The following OSBPL1A variants were observed in gnomAD, a reference collection of about 807,000 sequenced individuals.
OSBPL1A encodes oxysterol binding protein like 1A, also known as oxysterol-binding protein-related protein 1.
Under a neutral mutation model 137.1 loss-of-function variants are expected in OSBPL1A, and 80 were observed. The observed-to-expected ratio is 0.58, with a 90% CI of 0.49 to 0.70. OSBPL1A has a LOEUF of 0.70. Among genes scored for constraint, OSBPL1A ranks in the 30% least tolerant of loss-of-function variants. The pLI, the probability that OSBPL1A is intolerant of heterozygous loss-of-function variation, is 0.00. For synonymous variants in OSBPL1A, 365 were observed against 389.7 expected (o/e 0.94, Z 0.75); for missense variants, 970 against 1,129.4 (o/e 0.86, Z 2.02).
chr18:24,188,148 T>A (rs1357103288), intron 18 of OSBPL1A, among the ~76,000 whole-genome samples: 2 of 152,192 alleles, frequency 1.3e-5, no homozygotes, highest in Admixed American at 6.5e-5. Flanking sequence ...AGGGATGACA[T>A]TTTAGTATTT....
intron 4 of OSBPL1A, among the ~76,000 whole-genome samples, chr18:24,349,481 A>C (rs1209905412): frequency 6.6e-6 from 1 of 152,200 alleles, no homozygotes; most frequent in African/African-American, 2.4e-5. Context: ...GCAGAAATAA[A>C]ATATGCAATA....
Position 24,181,299 on chromosome 18 carries a change from A to C in OSBPL1A, c.1678-20T>G, listed in dbSNP as rs1457208900. ...TAGTTCCTATTTAACCAGAAAATTG[A>C]AAGTGTTATGTCCCATATACATAAC... On this transcript the variant is annotated intron_variant, in intron 18 of 27. Transcript: ENST00000319481. 6.2e-7 allele frequency: 1 copy of C among 1,612,906 alleles called. No individual in the cohort carries two copies. Among genetic ancestry groups the C allele is most frequent in the Admixed American group, 1.7e-5 (1 of 59,956 alleles).
chr18:24,333,055 C>G lies in OSBPL1A; in HGVS notation c.512G>C (p.Cys171Ser). The stretch of plus-strand genomic sequence containing the variant: ...GGGTGTATTTCCTAACTGATCCGAA[C>G]AGTTAACATCAGGAGGATTGGGCCT... ...LNRPNPPDVN[C>S]SDQLGNTPLH... is the part of the protein sequence containing the mutation. Residue 171 changes from cysteine (C) to serine (S), a missense_variant, in exon 7 of 28, where the codon TGT becomes TCT. Physicochemically the swap from Cys to Ser is moderately radical, Grantham distance 112. Transcript: ENST00000319481. 6.2e-7 allele frequency: 1 copy of G among 1,614,078 alleles called. No homozygotes were observed. Among genetic ancestry groups the G allele is most frequent in the East Asian group, 2.2e-5 (1 of 44,880 alleles).
chr18:24,333,268 G>A (rs945263095), intron 6 of OSBPL1A, among the ~76,000 whole-genome samples, 182 bp from the exon 7 acceptor site: 1 of 152,118 alleles, frequency 6.6e-6, no homozygotes, highest in African/African-American at 2.4e-5. Flanking sequence ...ATTCTCAGAT[G>A]CCCTGAGATA....
intron 1 of OSBPL1A, among the ~76,000 whole-genome samples, chr18:24,396,750 G>C (rs1030864210): frequency 6.6e-6 from 1 of 152,046 alleles, no homozygotes. Context: ...TCATTGTATC[G>C]GGGTTAGACT....
chr18:24,362,607 A>G (rs781219898), intron 4 of OSBPL1A, among the ~76,000 whole-genome samples: 2 of 152,214 alleles, frequency 1.3e-5, no homozygotes, highest in Non-Finnish European at 2.9e-5. Context: ...GCTTCCAATC[A>G]CGTGCTTACG....
At chr18:24,288,097 T>C (rs1348062988) in intron 14 of OSBPL1A, among the ~76,000 whole-genome samples, 2 of 152,212 alleles carry the variant, frequency 1.3e-5, no homozygotes, top group Admixed American at 6.5e-5. Context: ...GCTAGTGCTA[T>C]GGTAGACAAA....
chr18:24,164,634 T>G (rs563549208), intron 27 of OSBPL1A, among the ~76,000 whole-genome samples: 29 of 152,058 alleles, frequency 1.9e-4, no homozygotes, highest in African/African-American at 7.0e-4. Flanking sequence ...TTCACCATGT[T>G]AGCCAGGATG....
intron 14 of OSBPL1A, among the ~76,000 whole-genome samples, chr18:24,293,674 G>C (rs2090234019): frequency 6.6e-6 from 1 of 152,202 alleles, no homozygotes; most frequent in Non-Finnish European, 1.5e-5. Flanking sequence ...GGCAGGCGTA[G>C]GCCAGGCCAA....
intron 15 of OSBPL1A, among the ~76,000 whole-genome samples, chr18:24,245,277 G>A (rs1237537276): frequency 6.6e-6 from 1 of 151,536 alleles, no homozygotes; most frequent in Non-Finnish European, 1.5e-5. Flanking sequence ...TTTTTCGGCA[G>A]AGACGGGTCT....
Position 24,278,513 on chromosome 18 carries a change from G to C in OSBPL1A, c.1281+2329C>G, listed in dbSNP as rs144485595. Reference sequence around the variant, plus strand: ...TTAAGAGGCTAAAAGAGGTCAATTAGCCTAAACTTTAGGCTAACACTCTTG... The same window carrying C: ...TTAAGAGGCTAAAAGAGGTCAATTACCCTAAACTTTAGGCTAACACTCTTG... On this transcript the variant is annotated intron_variant, in intron 15 of 27. Transcript: ENST00000319481. Among the ~76,000 whole-genome samples, 14 of 152,232 alleles carry C rather than the reference G, an allele frequency of 9.2e-5. No individual in the cohort carries two copies. The East Asian group carries it at 2.5e-3, about 27-fold the overall frequency.
chr18:24,179,586 C>T, intron 20 of OSBPL1A, 152 bp downstream of exon 20: 2 of 618,226 alleles, frequency 3.2e-6, no homozygotes, highest in East Asian at 2.8e-5. Context: ...GTATTTTTGA[C>T]AGTCTCTAAA....
intron 1 of OSBPL1A, among the ~76,000 whole-genome samples, chr18:24,381,610 A>G (rs374538104): frequency 2.6e-5 from 4 of 152,228 alleles, no homozygotes; most frequent in South Asian, 4.1e-4. Flanking sequence ...TAAAATATCT[A>G]ATATTTTTAA....
chr18:24,350,078 C>T (rs2091412939), intron 4 of OSBPL1A, among the ~76,000 whole-genome samples: 1 of 152,168 alleles, frequency 6.6e-6, no homozygotes. Context: ...CGGCATATGG[C>T]CACCAAGAAT....
intron 1 of OSBPL1A, among the ~76,000 whole-genome samples, chr18:24,386,368 C>T (rs8086269): frequency 0.34 from 52,126 of 151,978 alleles, 9,409 homozygotes; most frequent in East Asian, 0.46. Flanking sequence ...CATTCTCTCA[C>T]GTTCAAAGCA....
chr18:24,197,974 G>C (rs972761743), intron 17 of OSBPL1A, among the ~76,000 whole-genome samples: 10 of 151,942 alleles, frequency 6.6e-5, no homozygotes, highest in African/African-American at 2.4e-4. Flanking sequence ...TTTTAGTAGA[G>C]ACGGGGTTTC....
intron 1 of OSBPL1A, among the ~76,000 whole-genome samples, chr18:24,393,553 C>T (rs1907515057): frequency 2.6e-5 from 4 of 152,100 alleles, no homozygotes; most frequent in Admixed American, 1.3e-4. Context: ...CCCGGGTTCA[C>T]ACCATTCTCC....
At chr18:24,364,069 T>C (rs1166842787) in intron 4 of OSBPL1A, among the ~76,000 whole-genome samples, 1 of 152,206 alleles carries the variant, frequency 6.6e-6, no homozygotes, top group Non-Finnish European at 1.5e-5. Flanking sequence ...CCTTGCTGTG[T>C]AATCTAACAT....
intron 13 of OSBPL1A, 59 bp from the exon 14 acceptor site, chr18:24,303,777 T>C (rs2090448066): frequency 2.2e-6 from 3 of 1,384,442 alleles, no homozygotes; most frequent in Non-Finnish European, 3.1e-6. Context: ...ACATTACTTA[T>C]GCTTTAGTGT....
Sources: allele counts gnomAD v4.1 joint callset (sites outside exome capture counted in the v4.1 genomes callset), GRCh38; gene constraint gnomAD v4.1.1; transcripts MANE v1.5; gene names NCBI Gene and HGNC (gene_info 2026-07-23, HGNC 2026-07-21).